The following TEAD4 variants were observed in gnomAD, a reference collection of about 807,000 sequenced individuals.
The protein encoded by TEAD4 is TEA domain transcription factor 4, also known as transcriptional enhancer factor TEF-3.
A neutral mutation model predicts 52.4 loss-of-function variants in TEAD4; 36 were observed. The observed-to-expected ratio is 0.69, with a 90% CI of 0.53 to 0.91. TEAD4 has a LOEUF of 0.91. Ranked by LOEUF, TEAD4 falls within the 40% of genes least tolerant of loss-of-function variation. TEAD4 has a pLI of 0.00. For missense variants in TEAD4, 508 were observed against 583.9 expected (o/e 0.87, Z 1.34); for synonymous variants, 220 against 231.0 (o/e 0.95, Z 0.43).
At chr12:3,026,096 A>G (rs573126389) in intron 10 of TEAD4, among the ~76,000 whole-genome samples, 1 of 152,136 alleles carries the variant, frequency 6.6e-6, no homozygotes, top group African/African-American at 2.4e-5. Context: ...GTTTTAGGAA[A>G]TGTACTCGTA....
intron 2 of TEAD4, among the ~76,000 whole-genome samples, chr12:2,980,282 G>C (rs538279321): frequency 1.3e-5 from 2 of 152,122 alleles, no homozygotes; most frequent in Non-Finnish European, 2.9e-5. Flanking sequence ...TCCATGCAAC[G>C]AAAGAGACCA....
intron 2 of TEAD4, among the ~76,000 whole-genome samples, chr12:2,990,113 A>C (rs189371141): frequency 5.4e-4 from 82 of 152,318 alleles, no homozygotes; most frequent in Non-Finnish European, 9.0e-4. Context: ...TTCTTTATCT[A>C]GCTGTATCTA....
At chr12:2,961,421 G>A (rs1290792837) in intron 2 of TEAD4, among the ~76,000 whole-genome samples, 1 of 151,870 alleles carries the variant, frequency 6.6e-6, no homozygotes, top group Non-Finnish European at 1.5e-5. Context: ...GGGGGTTCTC[G>A]TCCTTGCTCC....
At chr12:2,986,659 A>T (rs1417951892) in intron 2 of TEAD4, among the ~76,000 whole-genome samples, 2 of 151,676 alleles carry the variant, frequency 1.3e-5, no homozygotes, top group Non-Finnish European at 2.9e-5. Flanking sequence ...AAAAAAATAA[A>T]TAAATAAAAT....
At chr12:3,021,783 G>C (rs2098268881) in intron 9 of TEAD4, 61 bp from the exon 10 acceptor site, 16 of 1,573,652 alleles carry the variant, frequency 1.0e-5, no homozygotes, top group Non-Finnish European at 1.4e-5. Context: ...CGCAGAGCCA[G>C]GGTTGTCTGT....
At chr12:2,968,235 T>TGA in intron 2 of TEAD4, among the ~76,000 whole-genome samples, 1 of 151,776 alleles carries the variant, frequency 6.6e-6, no homozygotes, top group East Asian at 1.9e-4. Flanking sequence ...TACGGGCATT[T>TGA]GCCACCATGC....
chr12:3,001,481 G>A (rs1001034007), intron 3 of TEAD4, among the ~76,000 whole-genome samples: 1 of 152,176 alleles, frequency 6.6e-6, no homozygotes, highest in African/African-American at 2.4e-5. Flanking sequence ...TTTCATAAAG[G>A]TGGAATCAAG....
intron 3 of TEAD4, among the ~76,000 whole-genome samples, chr12:2,996,275 C>T (rs918159556): frequency 1.3e-5 from 2 of 152,168 alleles, no homozygotes; most frequent in African/African-American, 4.8e-5. Flanking sequence ...ACGCTGGTGC[C>T]ACCCCCACCA....
At chr12:3,036,233 C>T (rs1314202584) in intron 10 of TEAD4, among the ~76,000 whole-genome samples, 4 of 152,112 alleles carry the variant, frequency 2.6e-5, no homozygotes, top group Admixed American at 6.6e-5. Context: ...TCATCATAAA[C>T]GTAATCCACC....
At chr12:3,018,617 A>G in intron 7 of TEAD4, 29 bp downstream of exon 7, 1 of 1,612,824 alleles carries the variant, frequency 6.2e-7, no homozygotes, top group East Asian at 2.2e-5. Flanking sequence ...TTCTCTTGCC[A>G]GTTGCTCCCT....
intron 3 of TEAD4, among the ~76,000 whole-genome samples, chr12:3,000,388 C>T (rs1286760306): frequency 6.6e-6 from 1 of 152,154 alleles, no homozygotes; most frequent in African/African-American, 2.4e-5. Flanking sequence ...GGCCTTCGTG[C>T]TGGAGGGAAC....
rs549964446 is a variant in TEAD4 at position 2,987,211 on chromosome 12, G to A, written c.-29-7527G>A. On this transcript the variant is annotated intron_variant, in intron 2 of 12. Transcript: ENST00000359864. Reference sequence around the variant, plus strand: ...TTAAACCAATAGAGTGGGAATGCAAGCCTTGGGTGGGGATCCCCCAAGGAG... The same window carrying A: ...TTAAACCAATAGAGTGGGAATGCAAACCTTGGGTGGGGATCCCCCAAGGAG... Among the ~76,000 whole-genome samples, 3 of 152,280 alleles carry A rather than the reference G, an allele frequency of 2.0e-5. No individual in the cohort carries two copies. The East Asian group carries it at 5.8e-4, about 29-fold the overall frequency.
rs1487118078 is a variant in TEAD4 at position 2,994,072 on chromosome 12, G to C, written c.-29-666G>C. Among the ~76,000 whole-genome samples, 1 of 151,882 alleles carries C rather than the reference G, an allele frequency of 6.6e-6. No homozygotes were observed. Among genetic ancestry groups the C allele is most frequent in the African/African-American group, 2.4e-5 (1 of 41,336 alleles). On this transcript the variant is annotated intron_variant, in intron 2 of 12. Coordinates refer to ENST00000359864, the MANE Select transcript of TEAD4 (RefSeq NM_003213.4). This position sits in a 1 kb window ranked among gnomAD's most constrained non-coding sequence, Gnocchi z 4.7. ...TTGAGACCCTGCTTTCAGTTTGTTT[G>C]GGTATATACCCAGGTATTGGGTCAT...
Position 3,021,851 on chromosome 12 carries a change from A to C in TEAD4, c.731A>C (p.Lys244Thr), listed in dbSNP as rs2153957518. The change falls in exon 10 of 13, where the codon AAG becomes ACG. Residue 244 changes from lysine (K) to threonine (T), a missense_variant. Physicochemically the swap from Lys to Thr is moderately conservative, Grantham distance 78. Coordinates refer to ENST00000359864, the MANE Select transcript of TEAD4 (RefSeq NM_003213.4). ...GACCCACTCTCTCCACAGTACAACA[A>C]GCACCTGTTCGTGCACATTGGCCAG... The C allele has an allele frequency of 6.2e-7, 1 of 1,614,130 alleles. No individual in the cohort carries two copies. The highest frequency in any genetic ancestry group is 2.2e-5 in the East Asian group (1 of 44,886).
Position 3,022,032 on chromosome 12 carries a change from A to G in TEAD4, c.897+15A>G, listed in dbSNP as rs1484028719. On this transcript the variant is annotated intron_variant, in intron 10 of 12. Coordinates refer to ENST00000359864, the MANE Select transcript of TEAD4 (RefSeq NM_003213.4). ...TGAAGTTCTGGGTAAGCCTGTGATA[A>G]CCCCTTCTTTCCTGCCACCAGCGTG... 3.7e-6 allele frequency: 6 copies of G among 1,612,908 alleles called. No individual in the cohort carries two copies. The highest frequency in any genetic ancestry group is 5.1e-6 in the Non-Finnish European group (6 of 1,179,328).
chr12:2,965,350 G>C (rs1002525840), intron 2 of TEAD4, among the ~76,000 whole-genome samples: 1 of 151,780 alleles, frequency 6.6e-6, no homozygotes, highest in African/African-American at 2.4e-5. Flanking sequence ...TGTGGAGGTA[G>C]GGTCTCGCTT....
chr12:3,026,294 C>G (rs879497763), intron 10 of TEAD4, among the ~76,000 whole-genome samples: 1 of 152,184 alleles, frequency 6.6e-6, no homozygotes, highest in Admixed American at 6.5e-5. Flanking sequence ...TGTATTCTGA[C>G]TCTTTTCTGA....
intron 2 of TEAD4, among the ~76,000 whole-genome samples, chr12:2,974,923 C>A (rs537954696): frequency 6.6e-6 from 1 of 152,212 alleles, no homozygotes; most frequent in African/African-American, 2.4e-5. Context: ...TAGTCACTCC[C>A]GGGCTAAATC....
At chr12:2,962,428 C>T (rs181642654) in intron 2 of TEAD4, among the ~76,000 whole-genome samples, 2,022 of 144,102 alleles carry the variant, frequency 0.014, 51 homozygotes, top group African/African-American at 0.049. Context: ...CTCTGCCTCC[C>T]GGGTTCAAGC....
Sources: gnomAD v4.1 joint callset for allele counts (sites outside exome capture counted in the v4.1 genomes callset) on GRCh38, gnomAD v4.1.1 for gene constraint, Gnocchi (gnomAD v3.1) non-coding constraint, MANE v1.5 for transcripts, NCBI Gene and HGNC (gene_info 2026-07-23, HGNC 2026-07-21) for gene names.